The following SORCS3 variants were observed in gnomAD, a reference collection of about 807,000 sequenced individuals.
The protein encoded by SORCS3 is VPS10 domain-containing receptor SorCS3.
In SORCS3, 57 loss-of-function variants were observed where a neutral mutation model predicts 146.3. The ratio of observed to expected loss-of-function variants is 0.39; its 90% CI spans 0.31 to 0.49. The LOEUF is 0.49. SORCS3 is among the 20% of genes least tolerant of loss of function. The pLI is 0.92. For synonymous variants in SORCS3, 653 were observed against 618.5 expected (o/e 1.06, Z -0.83); for missense variants, 1,341 against 1,575.5 (o/e 0.85, Z 2.52).
rs990674450 is a variant in SORCS3 at position 104,931,316 on chromosome 10, T to C, written c.795+15384T>C. 6.6e-5 allele frequency among the ~76,000 whole-genome samples: 10 copies of C among 152,166 alleles called. No homozygotes were observed. In the East Asian group the frequency reaches 1.2e-3, roughly 18 times the overall value. ...CACAATACAGGCAGAGCTGGGCAGCTAGGTAGCTACAGAAGACCCTGACAT... is the reference window on the plus strand; with the variant it reads ...CACAATACAGGCAGAGCTGGGCAGCCAGGTAGCTACAGAAGACCCTGACAT... On this transcript the variant is annotated intron_variant, in intron 3 of 26. Transcript: ENST00000369701.
chr10:105,179,953 C>G (rs2056433014), intron 14 of SORCS3, among the ~76,000 whole-genome samples: 1 of 152,168 alleles, frequency 6.6e-6, no homozygotes, highest in Non-Finnish European at 1.5e-5. Context: ...ACTGTTAACC[C>G]TGATTCTCTC....
intron 7 of SORCS3, among the ~76,000 whole-genome samples, chr10:105,121,193 C>T (rs1250513066): frequency 6.6e-6 from 1 of 152,158 alleles, no homozygotes; most frequent in Admixed American, 6.5e-5. Context: ...GCTTCACCAC[C>T]AATTTTACTC....
intron 1 of SORCS3, among the ~76,000 whole-genome samples, chr10:104,721,551 T>C (rs1251714719): frequency 2.0e-5 from 3 of 152,038 alleles, no homozygotes; most frequent in African/African-American, 7.2e-5. Flanking sequence ...GCATTGAATC[T>C]ATAAATTACC....
rs544116679 is a variant in SORCS3, at chr10:104,708,316, G to T, written c.627+66362G>T. 7.9e-5 allele frequency among the ~76,000 whole-genome samples: 12 copies of T among 152,282 alleles called. No individual in the cohort carries two copies. The South Asian group carries it at 2.5e-3, about 32-fold the overall frequency. ...GTGAATGAATATGGGCTGCATGAGT[G>T]TCACCTGGTGCAGCCTTCCTGATGG... On this transcript the variant is annotated intron_variant, in intron 1 of 26. Coordinates refer to ENST00000369701, the MANE Select transcript of SORCS3 (RefSeq NM_014978.3).
At chr10:104,761,488 C>A (rs1190408035) in intron 1 of SORCS3, among the ~76,000 whole-genome samples, 2 of 152,120 alleles carry the variant, frequency 1.3e-5, no homozygotes, top group Non-Finnish European at 2.9e-5. Flanking sequence ...TATCTTTGAC[C>A]TTTCATGGGA....
intron 3 of SORCS3, among the ~76,000 whole-genome samples, chr10:104,953,361 A>G (rs146812974): frequency 1.2e-4 from 19 of 152,352 alleles, no homozygotes; most frequent in East Asian, 1.2e-3. Flanking sequence ...AACTGGAAGC[A>G]AGAAAAATGA....
chr10:104,646,023 A>T (rs2015491239), intron 1 of SORCS3, among the ~76,000 whole-genome samples: 2 of 152,200 alleles, frequency 1.3e-5, no homozygotes, highest in Non-Finnish European at 1.5e-5. Flanking sequence ...TGCCAAAAAA[A>T]TTGTTTTCAA....
intron 3 of SORCS3, among the ~76,000 whole-genome samples, chr10:104,975,174 C>T (rs2054887756): frequency 6.6e-6 from 1 of 151,932 alleles, no homozygotes; most frequent in Non-Finnish European, 1.5e-5. Context: ...TTGTCTCAGC[C>T]CAAAATCTCC....
chr10:104,735,661 G>A (rs753723639), intron 1 of SORCS3, among the ~76,000 whole-genome samples: 1 of 151,808 alleles, frequency 6.6e-6, no homozygotes, highest in Non-Finnish European at 1.5e-5. Context: ...TAATGAAAGC[G>A]GCTGCTGAGC....
intron 2 of SORCS3, among the ~76,000 whole-genome samples, chr10:104,853,132 T>C (rs867628954): frequency 1.3e-5 from 2 of 152,180 alleles, no homozygotes; most frequent in South Asian, 4.1e-4. Flanking sequence ...ACCTCATCTC[T>C]ACTAAAAATA....
At chr10:104,977,530 C>T in intron 4 of SORCS3, 37 bp downstream of exon 4, 1 of 1,525,320 alleles carries the variant, frequency 6.6e-7, no homozygotes, top group Non-Finnish European at 8.8e-7. Flanking sequence ...TCTTGTCATC[C>T]AGGTACCACC....
At chr10:105,106,295 A>T (rs2055821436) in intron 7 of SORCS3, among the ~76,000 whole-genome samples, 1 of 152,186 alleles carries the variant, frequency 6.6e-6, no homozygotes, top group African/African-American at 2.4e-5. Flanking sequence ...AAACTCCCTG[A>T]GTTGGCTCAG....
intron 20 of SORCS3, among the ~76,000 whole-genome samples, chr10:105,243,406 G>A (rs541707251): frequency 2.6e-5 from 4 of 152,170 alleles, no homozygotes; most frequent in African/African-American, 4.8e-5. Context: ...TGGTGACTCT[G>A]TGCCACACAT....
intron 1 of SORCS3, among the ~76,000 whole-genome samples, chr10:104,652,845 T>A (rs1338625274): frequency 6.6e-6 from 1 of 152,194 alleles, no homozygotes; most frequent in Non-Finnish European, 1.5e-5. Flanking sequence ...TGAGGCAGCA[T>A]GTGCAAAAAA....
intron 1 of SORCS3, among the ~76,000 whole-genome samples, chr10:104,667,174 G>A (rs148066229): frequency 3.9e-5 from 6 of 152,288 alleles, no homozygotes; most frequent in Non-Finnish European, 5.9e-5. Context: ...TATTAAATTT[G>A]GGACAAGGCT....
chr10:104,736,279 A>G (rs1189130136), intron 1 of SORCS3, among the ~76,000 whole-genome samples: 2 of 152,158 alleles, frequency 1.3e-5, no homozygotes, highest in Admixed American at 6.5e-5. Flanking sequence ...GGCACTCAGG[A>G]GGCCACGGCG....
intron 20 of SORCS3, among the ~76,000 whole-genome samples, chr10:105,240,918 A>G (rs1262902047): frequency 8.4e-6 from 1 of 118,400 alleles, no homozygotes; most frequent in African/African-American, 3.2e-5. Flanking sequence ...TTATATACAC[A>G]CACATATACA....
intron 1 of SORCS3, among the ~76,000 whole-genome samples, chr10:104,769,332 A>G (rs930585518): frequency 6.6e-6 from 1 of 152,216 alleles, no homozygotes; most frequent in African/African-American, 2.4e-5. Flanking sequence ...AGGCCATCCC[A>G]GATGCTGTGC....
At chr10:105,163,272 A>C (rs1172775583) in intron 11 of SORCS3, among the ~76,000 whole-genome samples, 7 of 152,114 alleles carry the variant, frequency 4.6e-5, no homozygotes, top group Non-Finnish European at 1.0e-4. Flanking sequence ...TAACATTTTC[A>C]TTATTGCATT....
Sources: allele counts gnomAD v4.1 joint callset (sites outside exome capture counted in the v4.1 genomes callset), GRCh38; gene constraint gnomAD v4.1.1; transcripts MANE v1.5; gene names NCBI Gene and HGNC (gene_info 2026-07-23, HGNC 2026-07-21).